Variants in FMN1 observed in about 807,000 individuals in gnomAD.
The protein encoded by FMN1 is formin 1.
In FMN1, 110 loss-of-function variants were observed where a neutral mutation model predicts 132.4. The observed-to-expected ratio is 0.83, with a 90% confidence interval of 0.71 to 0.97. The LOEUF (loss-of-function observed/expected upper bound fraction) is 0.97. Ranked by LOEUF, FMN1 falls within the 50% of genes least tolerant of loss-of-function variation. FMN1 has a pLI of 0.00. For synonymous variants in FMN1, 722 were observed against 651.7 expected (o/e 1.11, Z -1.64); for missense variants, 1,792 against 1,705.3 (o/e 1.05, Z -0.90).
intron 6 of FMN1, among the ~76,000 whole-genome samples, chr15:33,046,718 G>A (rs542861028): frequency 5.9e-5 from 9 of 151,596 alleles, no homozygotes; most frequent in African/African-American, 2.2e-4. Context: ...TGGCAAAAAC[G>A]ATAAGAATTT....
intron 6 of FMN1, among the ~76,000 whole-genome samples, chr15:33,061,450 T>G (rs1005732045): frequency 6.6e-6 from 1 of 152,048 alleles, no homozygotes; most frequent in Non-Finnish European, 1.5e-5. Flanking sequence ...TATATTTATA[T>G]GTAAATAAAT....
At chr15:33,120,807 G>T (rs1461066152) in intron 4 of FMN1, among the ~76,000 whole-genome samples, 3 of 151,552 alleles carry the variant, frequency 2.0e-5, no homozygotes, top group Admixed American at 6.6e-5. Context: ...GAACATTCTT[G>T]CATGTTTATG....
At chr15:33,126,803 A>T (rs1595533418) in intron 4 of FMN1, among the ~76,000 whole-genome samples, 1 of 152,328 alleles carries the variant, frequency 6.6e-6, no homozygotes, top group East Asian at 1.9e-4. Context: ...ATGAAACCCG[A>T]ACTCTTTTCG....
At chr15:32,847,665 T>C (rs2141245319) in intron 17 of FMN1, among the ~76,000 whole-genome samples, 1 of 152,290 alleles carries the variant, frequency 6.6e-6, no homozygotes, top group East Asian at 1.9e-4. Flanking sequence ...CCATCCTGGC[T>C]AACGCAGTGA....
intron 9 of FMN1, among the ~76,000 whole-genome samples, chr15:32,948,652 A>G (rs1195173096): frequency 6.6e-6 from 1 of 152,034 alleles, no homozygotes; most frequent in African/African-American, 2.4e-5. Flanking sequence ...ATTTATTGGC[A>G]AAAATTTGTT....
intron 7 of FMN1, among the ~76,000 whole-genome samples, chr15:33,000,827 A>G (rs1469068006): frequency 6.6e-6 from 1 of 152,202 alleles, no homozygotes; most frequent in East Asian, 1.9e-4. Context: ...AGCAATAGAT[A>G]TTTCTCAAAT....
chr15:32,775,661 C>T lies in FMN1; in HGVS notation c.4215+1174G>A, dbSNP rs74619528. On this transcript the variant is annotated intron_variant, in intron 20 of 20. Transcript: ENST00000616417. ...GTGCTCAACCATGGCTTTCCCCGAC[C>T]AAAAAGTATAGCCCGGACTTCTCCA... Among the ~76,000 whole-genome samples the T allele has an allele frequency of 3.9e-3, 599 of 152,300 alleles. 12 individuals carry two copies. The highest frequency in any genetic ancestry group is 0.014 in the African/African-American group (574 of 41,576).
intron 7 of FMN1, among the ~76,000 whole-genome samples, chr15:32,977,264 C>T (rs1034009180): frequency 6.6e-6 from 1 of 152,154 alleles, no homozygotes; most frequent in African/African-American, 2.4e-5. Flanking sequence ...AAGAGATAGA[C>T]TAAATCTACT....
intron 9 of FMN1, among the ~76,000 whole-genome samples, chr15:32,960,956 T>C (rs150793817): frequency 0.014 from 1,717 of 124,822 alleles, 32 homozygotes; most frequent in African/African-American, 0.049. Context: ...GATCACACCA[T>C]TGCACTCCCA....
At chr15:33,123,834 A>T (rs1962794286) in intron 4 of FMN1, among the ~76,000 whole-genome samples, 1 of 152,230 alleles carries the variant, frequency 6.6e-6, no homozygotes, top group Non-Finnish European at 1.5e-5. Flanking sequence ...TAGGCAGAAT[A>T]GAATTTGTTC....
intron 16 of FMN1, among the ~76,000 whole-genome samples, chr15:32,857,589 G>A (rs1259126537): frequency 6.6e-6 from 1 of 152,122 alleles, no homozygotes; most frequent in Non-Finnish European, 1.5e-5. Context: ...GGTGACACAC[G>A]CATCCCAACA....
intron 6 of FMN1, among the ~76,000 whole-genome samples, chr15:33,031,672 C>A (rs2141068434): frequency 6.6e-6 from 1 of 152,344 alleles, no homozygotes; most frequent in Middle Eastern, 3.4e-3. Context: ...ATGCATCCAG[C>A]CATCAGGTGA....
At chr15:33,184,885 C>T (rs1965827226) in intron 2 of FMN1, among the ~76,000 whole-genome samples, 1 of 152,056 alleles carries the variant, frequency 6.6e-6, no homozygotes. Context: ...GCGGAAAAGA[C>T]TGTATTCTTT....
chr15:32,844,768 G>C (rs1226889875), intron 17 of FMN1, among the ~76,000 whole-genome samples: 1 of 152,126 alleles, frequency 6.6e-6, no homozygotes, highest in Non-Finnish European at 1.5e-5. Context: ...TCGCACCATT[G>C]GGTAAGTAAA....
intron 5 of FMN1, among the ~76,000 whole-genome samples, chr15:33,078,275 G>A (rs2038303015): frequency 6.6e-6 from 1 of 152,190 alleles, no homozygotes; most frequent in Non-Finnish European, 1.5e-5. Context: ...CCCCACAGGA[G>A]CTAAATAAAT....
chr15:32,840,674 G>A (rs1038835735), intron 17 of FMN1, among the ~76,000 whole-genome samples: 5 of 152,308 alleles, frequency 3.3e-5, no homozygotes, highest in East Asian at 3.9e-4. Flanking sequence ...TGGGTGGGAG[G>A]CAGTCCTTGG....
intron 5 of FMN1, chr15:33,067,989 G>A (rs1812961267): frequency 6.8e-7 from 1 of 1,473,890 alleles, no homozygotes; most frequent in Admixed American, 2.6e-5. Flanking sequence ...GAGAGCAACA[G>A]GACCCGGGAG....
chr15:33,083,678 T>A (rs2038577178), intron 5 of FMN1, among the ~76,000 whole-genome samples: 1 of 152,214 alleles, frequency 6.6e-6, no homozygotes, highest in Non-Finnish European at 1.5e-5. Context: ...CAGAGACGTT[T>A]GAACCACAGC....
At chr15:32,828,132 G>A (rs137956888) in intron 17 of FMN1, among the ~76,000 whole-genome samples, 404 of 152,138 alleles carry the variant, frequency 2.7e-3, no homozygotes, top group African/African-American at 9.2e-3. Flanking sequence ...AAAATTAGCC[G>A]GCATGGTAGC....
Sources: gnomAD v4.1 joint callset for allele counts (sites outside exome capture counted in the v4.1 genomes callset) on GRCh38, gnomAD v4.1.1 for gene constraint, MANE v1.5 for transcripts, NCBI Gene and HGNC (gene_info 2026-07-23, HGNC 2026-07-21) for gene names.